Variants in TTN observed in about 807,000 individuals in gnomAD.
TTN encodes titin.
A neutral mutation model predicts 3,223.0 loss-of-function variants in TTN; 1,525 were observed. The observed-to-expected ratio is 0.47, with a 90% CI of 0.45 to 0.49. The LOEUF is 0.49. Among genes scored for constraint, TTN ranks in the 20% least tolerant of loss-of-function variants. The pLI is 0.00. For synonymous variants in TTN, 14,094 were observed against 15,161.0 expected, an observed-to-expected ratio of 0.93 and a Z score of 5.17; for missense variants, 40,786 against 43,424.0, an observed-to-expected ratio of 0.94 and a Z score of 5.40.
rs916546048 is a variant in TTN at position 178,593,449 on chromosome 2, T to C, written c.58759A>G (p.Ile19587Val). Residue 19587 changes from isoleucine (I) to valine (V), a missense_variant, in exon 299 of 363, where the codon ATT becomes GTT. Transcript: ENST00000589042. ...FRVPDAPDQP[I>V]VTEVTKDSAL... ...GAGTCTTTGGTAACTTCTGTAACAA[T>C]TGGCTGATCAGGTGCATCAGGAACC... 1.2e-6 allele frequency: 2 copies of C among 1,612,574 alleles called. No individual in the cohort carries two copies. Among genetic ancestry groups the C allele is most frequent in the African/African-American group, 1.3e-5 (1 of 74,966 alleles).
In TTN at chr2:178,592,560, G is replaced by A. The variant is rs1328852709; in HGVS notation, c.59445C>T (p.Phe19815=). Residue 19815 remains phenylalanine (F), a synonymous_variant, in exon 301 of 363, where the codon TTC becomes TTT. Coordinates refer to ENST00000589042, the MANE Select transcript of TTN (RefSeq NM_001267550.2). ...CTTCTTTTTTCCAAGTTACTTTTGG[G>A]AATGGCACTCCTTTGATGATGGCAC... ...RLSAIIKGVP[F]PKVTWKKEDR... 3 of 1,613,330 alleles carry A rather than the reference G, an allele frequency of 1.9e-6. No homozygotes were observed. The highest frequency in any genetic ancestry group is 2.5e-6 in the Non-Finnish European group (3 of 1,179,596).
At chr2:178,699,402 TTTTTTTTTTTTTTTTTTTTTTTTTTTTG>T (rs2074397709) in intron 111 of TTN, among the ~76,000 whole-genome samples, 1 of 47,502 alleles carries the variant, frequency 2.1e-5, no homozygotes, top group African/African-American at 6.8e-5. Flanking sequence ...TTTTTTTTTT[TTTTTTTTTTTTTTTTTTTTTTTTTTTTG>T]AGACGGAGTC....
intron 9 of TTN, among the ~76,000 whole-genome samples, chr2:178,793,179 G>T (rs562223039): frequency 2.0e-5 from 3 of 152,208 alleles, no homozygotes; most frequent in African/African-American, 7.2e-5. Flanking sequence ...TCTACTCCTG[G>T]TGTATGTTCA....
intron 270 of TTN, 34 bp from the exon 271 acceptor site, chr2:178,610,423 CT>C (rs1559770611): frequency 2.5e-6 from 4 of 1,596,574 alleles, no homozygotes; most frequent in Admixed American, 3.6e-5. Context: ...TCTAGTAATC[CT>C]GAAAAATCAG....
rs767716643 is a variant in TTN at position 178,721,949 on chromosome 2, A to G, written c.22714T>C (p.Leu7572=). Residue 7572 remains leucine, a synonymous_variant, in exon 78 of 363, where the codon TTG becomes CTG. Coordinates refer to ENST00000589042, the MANE Select transcript of TTN (RefSeq NM_001267550.2). ...CCTTTGCCTACTTTAAGAATTCTCA[A>G]ATGAGGAGTGTTTCCCACACATGTG... is the stretch of plus-strand genomic sequence containing the variant. The part of the protein sequence containing the change: ...TITCVGNTPH[L]RILKVGKGDS... The G allele has an allele frequency of 2.5e-6, 4 of 1,613,484 alleles. No homozygotes were observed. The highest frequency in any genetic ancestry group is 1.7e-5 in the Admixed American group (1 of 59,984).
chr2:178,601,164 A>C lies in TTN; in HGVS notation c.55740T>G (p.Pro18580=), dbSNP rs776961571. The change falls in exon 288 of 363, where the codon CCT becomes CCG. Residue 18580 remains proline, a synonymous_variant. Coordinates refer to ENST00000589042, the MANE Select transcript of TTN (RefSeq NM_001267550.2). ...RTTARDPIYP[P]DPPIKLKIGL... ...CAATCTTGAGTTTAATAGGAGGATC[A>C]GGAGGATCTGTAAAAATAATTAAAG... 1.3e-6 allele frequency: 2 copies of C among 1,529,504 alleles called. No individual in the cohort carries two copies. The highest frequency in any genetic ancestry group is 1.8e-6 in the Non-Finnish European group (2 of 1,142,806). The allele number at this position is 1,529,504 out of a possible 1,614,324, so 94.7% of individuals were successfully genotyped here. A position where few individuals can be genotyped will look rare whatever the true frequency, so the allele number is the denominator to read the frequency against.
rs1576708072 is a variant in TTN, at chr2:178,633,688, A to G, written c.42683-12T>C. ...GTAGGGATCGGCCTCTGTAAAAGAC[A>G]TTTAGCATAAAATTAGAAGAATGTG... On this transcript the variant is annotated splice_polypyrimidine_tract_variant and intron_variant, in intron 231 of 362. Transcript: ENST00000589042. 1.2e-6 allele frequency: 2 copies of G among 1,609,772 alleles called. No homozygotes were observed. Among genetic ancestry groups the G allele is most frequent in the African/African-American group, 1.3e-5 (1 of 74,794 alleles).
Position 178,677,612 on chromosome 2 carries a change from CT to C in TTN, c.34291+8del, listed in dbSNP as rs2068384224. 1 of 1,597,528 alleles carries C rather than the reference CT, an allele frequency of 6.3e-7. No individual in the cohort carries two copies. On this transcript the variant is annotated splice_region_variant and intron_variant, in intron 146 of 362. Coordinates refer to ENST00000589042, the MANE Select transcript of TTN (RefSeq NM_001267550.2). ...GAGGCCTTGATGATTCCAAGAAGAG[CT>C]GCTATACCTGGTGCAGGTACTGGCA...
At chr2:178,554,288 A>G (rs1700450052) in intron 332 of TTN, 72 bp from the exon 333 acceptor site, 1 of 1,470,122 alleles carries the variant, frequency 6.8e-7, no homozygotes, top group Non-Finnish European at 9.2e-7. Context: ...TGATGTTCGC[A>G]TTCTTTCCAA....
chr2:178,652,189 A>G lies in TTN; in HGVS notation c.39212-10T>C. 6.2e-7 allele frequency: 1 copy of G among 1,612,150 alleles called. No homozygotes were observed. The highest frequency in any genetic ancestry group is 8.5e-7 in the Non-Finnish European group (1 of 1,179,608). ...TTTGGCACCTCTGGGACTTTAAAAG[A>G]TATTATTATTTTCATTGTTAGACAA... is the stretch of plus-strand genomic sequence containing the variant. On this transcript the variant is annotated splice_polypyrimidine_tract_variant and intron_variant, in intron 203 of 362. Transcript: ENST00000589042.
chr2:178,789,924 T>C, intron 12 of TTN, 54 bp downstream of exon 12: 3 of 1,606,822 alleles, frequency 1.9e-6, no homozygotes, highest in African/African-American at 1.3e-5. Context: ...GTTAATAGTT[T>C]ACTAGAAATT....
Position 178,689,554 on chromosome 2 carries a change from T to C in TTN, c.31888A>G (p.Thr10630Ala). 5 of 1,610,156 alleles carry C rather than the reference T, an allele frequency of 3.1e-6. No individual in the cohort carries two copies. The highest frequency in any genetic ancestry group is 3.4e-6 in the Non-Finnish European group (4 of 1,177,864). ...QKGVVTEEKITIVTQREESPP... is the reference protein window; with the variant it reads ...QKGVVTEEKIAIVTQREESPP... ...GATTCCTCTCTTTGAGTTACAATGG[T>C]TATTTTTTCTTCTGTCACAACTCCC... is the stretch of plus-strand genomic sequence containing the variant. The change falls in exon 123 of 363, where the codon ACC becomes GCC. Residue 10630 changes from threonine (T) to alanine (A), a missense_variant. Thr to Ala is a moderately conservative substitution (Grantham distance 58, BLOSUM62 0). Transcript: ENST00000589042.
chr2:178,720,072 C>G lies in TTN; in HGVS notation c.23570G>C (p.Ser7857Thr). 1 of 1,613,718 alleles carries G rather than the reference C, an allele frequency of 6.2e-7. No individual in the cohort carries two copies. Among genetic ancestry groups the G allele is most frequent in the Non-Finnish European group, 8.5e-7 (1 of 1,179,704 alleles). ...TTTTCCAGAATTAGATGCTTCTGGA[C>G]TCCCCAGCTGGAGGGTTGCAATGTT... ...IDNIATLQLG[S>T]PEASNSGKYI... The change falls in exon 81 of 363, where the codon AGT (serine) becomes ACT (threonine). Residue 7857 changes from serine to threonine, a missense_variant. Physicochemically the swap from Ser to Thr is moderately conservative, Grantham distance 58. Coordinates refer to ENST00000589042, the MANE Select transcript of TTN (RefSeq NM_001267550.2).
chr2:178,531,249 C>T lies in TTN; in HGVS notation c.105366G>A (p.Lys35122=), dbSNP rs781080418. The change falls in exon 358 of 363, where the codon AAG becomes AAA. Residue 35122 remains lysine, a synonymous_variant. Coordinates refer to ENST00000589042, the MANE Select transcript of TTN (RefSeq NM_001267550.2). Reference sequence around the variant, plus strand: ...TTCTTGCTGCCAAAGTCGTCTTGATCTTTCTGGTTGTGGATTTTTCTTCCA... The same window carrying T: ...TTCTTGCTGCCAAAGTCGTCTTGATTTTTCTGGTTGTGGATTTTTCTTCCA... ...KSLEEKSTTR[K]IKTTLAARIL... 6.2e-7 allele frequency: 1 copy of T among 1,613,984 alleles called. No homozygotes were observed. The highest frequency in any genetic ancestry group is 2.2e-5 in the East Asian group (1 of 44,886).
In TTN at chr2:178,570,999, T is replaced by C. The variant is rs1275374951; in HGVS notation, c.75133A>G (p.Lys25045Glu). The change falls in exon 326 of 363, where the codon AAG becomes GAG. Residue 25045 changes from lysine (K) to glutamate (E), a missense_variant. By Grantham distance (56) the Lys-to-Glu change is moderately conservative. Coordinates refer to ENST00000589042, the MANE Select transcript of TTN (RefSeq NM_001267550.2). ...CAACGGCCCTCAGGTAATTCTTTCT[T>C]CTCAACAATATAACCAGTGATCTTG... ...GSKITGYIVE[K>E]KELPEGRWMK... The C allele has an allele frequency of 3.7e-6, 6 of 1,613,274 alleles. No individual in the cohort carries two copies. In the Admixed American group the frequency reaches 5.0e-5, roughly 13 times the overall value.
chr2:178,538,164 A>C, intron 354 of TTN: 1 of 528,674 alleles, frequency 1.9e-6, no homozygotes, highest in South Asian at 3.0e-5. Context: ...GGGATTAATA[A>C]TGTATAGGCT....
Position 178,588,553 on chromosome 2 carries a change from C to A in TTN, c.63172G>T (p.Ala21058Ser). The change falls in exon 304 of 363, where the codon GCA (alanine) becomes TCA (serine). Residue 21058 changes from alanine to serine, a missense_variant. Coordinates refer to ENST00000589042, the MANE Select transcript of TTN (RefSeq NM_001267550.2). ...GACATCCTACCTATGGGGTCTTTTG[C>A]CACCACCGGTCTTGAAGGCAAGCTT... ...EPSLPSRPVV[A>S]KDPIEPPGPP... 1 of 1,525,700 alleles carries A rather than the reference C, an allele frequency of 6.6e-7. No homozygotes were observed. Among genetic ancestry groups the A allele is most frequent in the South Asian group, 1.4e-5 (1 of 73,774 alleles). The allele number at this position is 1,525,700 out of a possible 1,614,324, so 94.5% of individuals were successfully genotyped here. A position where few individuals can be genotyped will look rare whatever the true frequency, so the allele number is the denominator to read the frequency against.
Position 178,651,917 on chromosome 2 carries a change from C to T in TTN, c.39346G>A (p.Val13116Met). ...GGCGCCGCTGGCTCTGGCTCTTCCACAACTTCAGCAGGAGGCTCTTCTAGG... is the reference window on the plus strand; with the variant it reads ...GGCGCCGCTGGCTCTGGCTCTTCCATAACTTCAGCAGGAGGCTCTTCTAGG... ...VALEEPPAEV[V>M]EEPEPAAPPQ... is the part of the protein sequence containing the mutation. The change falls in exon 205 of 363, where the codon GTG (valine) becomes ATG (methionine). Residue 13116 changes from valine to methionine, a missense_variant. Val to Met is a conservative substitution (Grantham distance 21). Coordinates refer to ENST00000589042, the MANE Select transcript of TTN (RefSeq NM_001267550.2). 1.2e-6 allele frequency: 2 copies of T among 1,610,142 alleles called. No homozygotes were observed. The highest frequency in any genetic ancestry group is 2.7e-5 in the African/African-American group (2 of 74,914).
At chr2:178,702,400 A>G in intron 107 of TTN, 54 bp downstream of exon 107, 2 of 1,610,440 alleles carry the variant, frequency 1.2e-6, no homozygotes, top group Non-Finnish European at 8.5e-7. Context: ...AGAAATACAG[A>G]AAACAGACGA....
Sources: allele counts gnomAD v4.1 joint callset (sites outside exome capture counted in the v4.1 genomes callset), GRCh38; gene constraint gnomAD v4.1.1; transcripts MANE v1.5; gene names NCBI Gene and HGNC (gene_info 2026-07-23, HGNC 2026-07-21).